The following ABL1 variants were observed in gnomAD, a reference collection of about 807,000 sequenced individuals.
ABL1 encodes tyrosine-protein kinase ABL1.
Under a neutral mutation model 94.7 loss-of-function variants are expected in ABL1, and 11 were observed. The ratio of observed to expected loss-of-function variants is 0.12; its 90% CI spans 0.07 to 0.19. The LOEUF is 0.19. ABL1 is among the 10% of genes least tolerant of loss of function. The probability of loss-of-function intolerance (pLI) is 1.00; values close to 1 mark genes in which losing one functional copy is unlikely to be tolerated. For synonymous variants in ABL1, 656 were observed against 622.4 expected, an observed-to-expected ratio of 1.05 and a Z score of -0.80; for missense variants, 1,082 against 1,489.4, an observed-to-expected ratio of 0.73 and a Z score of 4.50.
chr9:130,743,654 A>G lies in ABL1; in HGVS notation c.136+29199A>G, dbSNP rs548200358. 2.0e-5 allele frequency among the ~76,000 whole-genome samples: 3 copies of G among 152,318 alleles called. No homozygotes were observed. The South Asian group carries it at 6.2e-4, about 32-fold the overall frequency. On this transcript the variant is annotated intron_variant, in intron 1 of 10. Transcript: ENST00000372348. ...GAGGAGAGAGAGAGAATCCTGGGCCAAAACCTTTATTGGGAGTCCAGGGAG... is the reference window on the plus strand; with the variant it reads ...GAGGAGAGAGAGAGAATCCTGGGCCGAAACCTTTATTGGGAGTCCAGGGAG...
intron 1 of ABL1, among the ~76,000 whole-genome samples, chr9:130,797,773 T>C (rs1829999277): frequency 6.6e-6 from 1 of 152,224 alleles, no homozygotes; most frequent in Non-Finnish European, 1.5e-5. Flanking sequence ...TTGACAGTTA[T>C]TCCAAACACG....
intron 1 of ABL1, among the ~76,000 whole-genome samples, chr9:130,796,382 G>A (rs80021419): frequency 0.045 from 6,794 of 152,040 alleles, 478 homozygotes; most frequent in African/African-American, 0.16. Context: ...ATGGTGGTGC[G>A]TTCCTGTTAT....
intron 1 of ABL1, among the ~76,000 whole-genome samples, chr9:130,718,155 TA>T (rs1213527052): frequency 6.7e-6 from 1 of 150,362 alleles, no homozygotes; most frequent in Non-Finnish European, 1.5e-5. Flanking sequence ...CCGTCTGTAC[TA>T]AAAATACAAA....
intron 3 of ABL1, among the ~76,000 whole-genome samples, chr9:130,861,920 G>C (rs1831078959): frequency 6.6e-6 from 1 of 152,198 alleles, no homozygotes; most frequent in African/African-American, 2.4e-5. Flanking sequence ...CTGCCAGCCT[G>C]CTCCTTCTCC....
chr9:130,807,249 A>C (rs1830137735), intron 1 of ABL1, among the ~76,000 whole-genome samples: 1 of 152,132 alleles, frequency 6.6e-6, no homozygotes, highest in South Asian at 2.1e-4. Flanking sequence ...TGTACTCCGT[A>C]ACAGAATTTG....
intron 3 of ABL1, among the ~76,000 whole-genome samples, chr9:130,855,435 A>T (rs1325571134): frequency 6.6e-6 from 1 of 152,228 alleles, no homozygotes; most frequent in Non-Finnish European, 1.5e-5. Flanking sequence ...GATAGAAATC[A>T]TCCCCAACGA....
At chr9:130,727,439 C>T in intron 1 of ABL1, among the ~76,000 whole-genome samples, 1 of 151,912 alleles carries the variant, frequency 6.6e-6, no homozygotes. Context: ...TTATTTTTTC[C>T]TTTAATTCTA....
At chr9:130,804,179 A>AC (rs1354302131) in intron 1 of ABL1, among the ~76,000 whole-genome samples, 3 of 152,126 alleles carry the variant, frequency 2.0e-5, no homozygotes, top group African/African-American at 7.2e-5. Context: ...ACACGGTGAA[A>AC]CCCTGTCTCT....
rs1832190101 is a variant in ABL1, at chr9:130,766,839, C to A, written c.136+52384C>A. On this transcript the variant is annotated intron_variant, in intron 1 of 10. Transcript: ENST00000372348. ...TGTTGCCATCTGGGTCTGTCCTCCT[C>A]CTGCTAGCAGAGAGACCCTCCCTTA... Among the ~76,000 whole-genome samples the A allele has an allele frequency of 2.0e-5, 3 of 152,350 alleles. No individual in the cohort carries two copies. In the South Asian group the frequency reaches 6.2e-4, roughly 32 times the overall value.
In ABL1 at chr9:130,880,185, A is replaced by G. The variant is rs1831427068; in HGVS notation, c.1513+28A>G. The G allele has an allele frequency of 6.2e-7, 1 of 1,605,252 alleles. No homozygotes were observed. Among genetic ancestry groups the G allele is most frequent in the African/African-American group, 1.3e-5 (1 of 74,556 alleles). On this transcript the variant is annotated intron_variant, in intron 9 of 10. Transcript: ENST00000318560. The surrounding 1 kb of genome is among the most constrained non-coding windows in gnomAD (Gnocchi z 4.4). ...AAAGTACCCATCCCGGGGTACCTGCAGTGGGGTGAAAGGGCAGCCATGTGG... is the reference window on the plus strand; with the variant it reads ...AAAGTACCCATCCCGGGGTACCTGCGGTGGGGTGAAAGGGCAGCCATGTGG...
intron 4 of ABL1, among the ~76,000 whole-genome samples, chr9:130,869,305 T>G (rs746884457): frequency 3.9e-5 from 6 of 152,238 alleles, no homozygotes; most frequent in Middle Eastern, 3.2e-3. Context: ...GGAATAGAGA[T>G]AAACTGCCTT....
Position 130,885,776 on chromosome 9 carries a change from G to A in ABL1, c.*93G>A. The A allele has an allele frequency of 3.4e-6, 5 of 1,464,836 alleles. 1 individual carries two copies. The Admixed American group carries it at 1.2e-4, about 34-fold the overall frequency. The allele number at this position is 1,464,836 out of a possible 1,614,324, so 90.7% of individuals were successfully genotyped here. A position where few individuals can be genotyped will look rare whatever the true frequency, so the allele number is the denominator to read the frequency against. ...CGTGACAGTGGCTGACAAGGGACTA[G>A]TGAGTCAGCACCTTGGCCCAGGAGC... On this transcript the variant is annotated 3_prime_UTR_variant, in exon 11 of 11. Transcript: ENST00000318560.
chr9:130,806,629 A>G (rs748074031), intron 1 of ABL1, among the ~76,000 whole-genome samples: 1 of 147,106 alleles, frequency 6.8e-6, no homozygotes, highest in Non-Finnish European at 1.5e-5. Flanking sequence ...AGCCTGGACA[A>G]CAAAGTGAAG....
At chr9:130,834,741 G>C (rs2132908933), upstream of ABL1, 1 of 406,274 alleles carries the variant, frequency 2.5e-6, no homozygotes, top group South Asian at 1.8e-5. Flanking sequence ...CGCACGTGTG[G>C]TTGTCCTGTG....
chr9:130,841,717 C>T (rs915914338), intron 1 of ABL1, among the ~76,000 whole-genome samples: 1 of 151,792 alleles, frequency 6.6e-6, no homozygotes, highest in African/African-American at 2.4e-5. Context: ...GAGGCTAAGG[C>T]AGGAGAATTA....
intron 1 of ABL1, among the ~76,000 whole-genome samples, chr9:130,809,441 TGTGC>T (rs1564296618): frequency 3.4e-5 from 5 of 148,954 alleles, no homozygotes; most frequent in Non-Finnish European, 7.5e-5. Context: ...TGTGTGTGTG[TGTGC>T]ACGTGTGAAG....
At chr9:130,726,722 C>T (rs1457367404) in intron 1 of ABL1, among the ~76,000 whole-genome samples, 1 of 152,172 alleles carries the variant, frequency 6.6e-6, no homozygotes, top group East Asian at 1.9e-4. Flanking sequence ...GATCCTCCTG[C>T]CTTGGCCTCC....
intron 1 of ABL1, among the ~76,000 whole-genome samples, chr9:130,767,952 AG>A (rs759074281): frequency 1.9e-4 from 29 of 150,564 alleles, no homozygotes; most frequent in Non-Finnish European, 2.2e-4. Flanking sequence ...GGAAATTGCG[AG>A]GAAAAAAATG....
rs1455875173 is a variant in ABL1, at chr9:130,862,094, G to T, written c.550-669G>T. Among the ~76,000 whole-genome samples the T allele has an allele frequency of 6.6e-6, 1 of 152,126 alleles. No homozygotes were observed. The highest frequency in any genetic ancestry group is 1.5e-5 in the Non-Finnish European group (1 of 68,028). ...TGTGTTTAGTGGTTTTCATCTTCTG[G>T]TCACTATTTCATTCTAGGTTTATCC... On this transcript the variant is annotated intron_variant, in intron 3 of 10. Transcript: ENST00000318560. This position sits in a 1 kb window ranked among gnomAD's most constrained non-coding sequence, Gnocchi z 5.5.
Sources: gnomAD v4.1 joint callset for allele counts (sites outside exome capture counted in the v4.1 genomes callset) on GRCh38, gnomAD v4.1.1 for gene constraint, Gnocchi (gnomAD v3.1) non-coding constraint, MANE v1.5 for transcripts, NCBI Gene and HGNC (gene_info 2026-07-23, HGNC 2026-07-21) for gene names.